Variants in B4GALNT3 observed in about 807,000 individuals in gnomAD.
The protein encoded by B4GALNT3 is beta-1,4-N-acetyl-galactosaminyltransferase 3.
In B4GALNT3, 86 loss-of-function variants were observed where a neutral mutation model predicts 120.2. The ratio of observed to expected loss-of-function variants is 0.72; its 90% CI spans 0.60 to 0.86. The LOEUF (loss-of-function observed/expected upper bound fraction) is 0.86, where lower values mean the gene tolerates loss of function less well. Among genes scored for constraint, B4GALNT3 ranks in the 40% least tolerant of loss-of-function variants. B4GALNT3 has a pLI of 0.00. For synonymous variants in B4GALNT3, 518 were observed against 510.4 expected (o/e 1.01, Z -0.20); for missense variants, 1,167 against 1,298.9 (o/e 0.90, Z 1.56).
At chr12:461,187 G>T (rs960262985) in intron 1 of B4GALNT3, among the ~76,000 whole-genome samples, 1 of 149,522 alleles carries the variant, frequency 6.7e-6, no homozygotes, top group African/African-American at 2.5e-5. Context: ...TCTTTCTCCT[G>T]TTCGGGCCGC....
intron 1 of B4GALNT3, among the ~76,000 whole-genome samples, chr12:493,581 G>T (rs1946363535): frequency 8.7e-6 from 1 of 115,544 alleles, no homozygotes; most frequent in Non-Finnish European, 1.7e-5. Context: ...GTACAGTGTT[G>T]AAATATAATG....
In B4GALNT3 at chr12:511,013, C is replaced by CTTTTTTTTTTTTTT. The variant is rs762032000; in HGVS notation, c.170-24124_170-24111dup. Among the ~76,000 whole-genome samples, 3 of 43,860 alleles carry CTTTTTTTTTTTTTT rather than the reference C, an allele frequency of 6.8e-5. 1 individual carries two copies. The highest frequency in any genetic ancestry group is 1.4e-4 in the Non-Finnish European group (3 of 21,838). The allele number at this position is 43,860 out of a possible 152,430, so 28.8% of individuals were successfully genotyped here. On this transcript the variant is annotated intron_variant, in intron 1 of 19. Transcript: ENST00000266383. The stretch of plus-strand genomic sequence containing the variant: ...TTTGGTCTCTATGGATTTGCCTATT[C>CTTTTTTTTTTTTTT]TTTTTTTTTTTTTTTTTTTTTTTTT...
At chr12:554,681 T>G (rs902375171) in intron 14 of B4GALNT3, among the ~76,000 whole-genome samples, 18 of 145,544 alleles carry the variant, frequency 1.2e-4, no homozygotes, top group Non-Finnish European at 2.4e-4. Flanking sequence ...TCCCAGCTAC[T>G]CGGGAGGCTG....
At chr12:531,779 C>T (rs560112594) in intron 1 of B4GALNT3, among the ~76,000 whole-genome samples, 2 of 152,212 alleles carry the variant, frequency 1.3e-5, no homozygotes, top group African/African-American at 2.4e-5. Context: ...AGGAAGAAAA[C>T]ATTTATTGGG....
At chr12:463,295 T>C (rs1295651665) in intron 1 of B4GALNT3, among the ~76,000 whole-genome samples, 2 of 152,234 alleles carry the variant, frequency 1.3e-5, no homozygotes, top group African/African-American at 4.8e-5. Flanking sequence ...TTCTTTATCT[T>C]CGTGAAATAA....
intron 1 of B4GALNT3, among the ~76,000 whole-genome samples, chr12:522,481 A>G (rs1946719982): frequency 6.6e-6 from 1 of 152,216 alleles, no homozygotes; most frequent in Non-Finnish European, 1.5e-5. Context: ...TAGAGACAGA[A>G]AGTAGAGTGG....
intron 1 of B4GALNT3, among the ~76,000 whole-genome samples, chr12:500,865 C>CCTTTTTTTT (rs2043817132): frequency 3.9e-4 from 24 of 61,814 alleles, no homozygotes; most frequent in African/African-American, 1.8e-3. Flanking sequence ...GGCTCCACTG[C>CCTTTTTTTT]TTTTTTTTTT....
intron 1 of B4GALNT3, among the ~76,000 whole-genome samples, chr12:468,688 T>G (rs1946106629): frequency 1.3e-5 from 2 of 152,242 alleles, no homozygotes; most frequent in Admixed American, 1.3e-4. Context: ...TGCCAGCCTG[T>G]GGCTTTTGGA....
chr12:528,218 T>C (rs947062632), intron 1 of B4GALNT3, among the ~76,000 whole-genome samples: 16 of 152,096 alleles, frequency 1.1e-4, no homozygotes, highest in African/African-American at 3.9e-4. Context: ...AATTTTTAAT[T>C]TTTAAATGTT....
intron 5 of B4GALNT3, 48 bp from the exon 6 acceptor site, chr12:545,321 T>A (rs757056910): frequency 2.1e-5 from 33 of 1,568,760 alleles, no homozygotes; most frequent in Non-Finnish European, 2.5e-5. Flanking sequence ...CCAGCTTTTA[T>A]GCTGATGCCC....
intron 19 of B4GALNT3, among the ~76,000 whole-genome samples, chr12:560,281 CGAA>C (rs900594224): frequency 6.6e-6 from 1 of 152,132 alleles, no homozygotes; most frequent in African/African-American, 2.4e-5. Flanking sequence ...GACCTCGACA[CGAA>C]GACACGCTCA....
chr12:475,501 G>A (rs904530290), intron 1 of B4GALNT3, among the ~76,000 whole-genome samples: 68 of 152,056 alleles, frequency 4.5e-4, no homozygotes, highest in African/African-American at 1.5e-3. Context: ...TTCCTGTCCC[G>A]GCAGAACCGG....
chr12:473,054 G>A (rs991736015), intron 1 of B4GALNT3, among the ~76,000 whole-genome samples: 1 of 150,146 alleles, frequency 6.7e-6, no homozygotes, highest in African/African-American at 2.5e-5. Context: ...CTGCAGCCTC[G>A]ACTTCTTCAG....
At chr12:519,188 T>C (rs1946683697) in intron 1 of B4GALNT3, among the ~76,000 whole-genome samples, 1 of 152,220 alleles carries the variant, frequency 6.6e-6, no homozygotes, top group African/African-American at 2.4e-5. Flanking sequence ...TATTTGCATC[T>C]TACCCTACAA....
chr12:554,047 G>T, intron 14 of B4GALNT3, 64 bp downstream of exon 14: 1 of 1,212,640 alleles, frequency 8.2e-7, no homozygotes, highest in Non-Finnish European at 1.2e-6. Flanking sequence ...GGCCTGGAAG[G>T]CAGGGGCCTA....
chr12:552,816 G>A (rs1358706597), intron 13 of B4GALNT3: 1 of 512,716 alleles, frequency 2.0e-6, no homozygotes, highest in Non-Finnish European at 3.5e-6. Context: ...GCTGTCCCTG[G>A]CGCACCATTT....
chr12:482,372 G>A (rs1041869058), intron 1 of B4GALNT3, among the ~76,000 whole-genome samples: 7 of 152,318 alleles, frequency 4.6e-5, no homozygotes, highest in Non-Finnish European at 7.4e-5. Context: ...GTGCTGGAAG[G>A]GAACCCAGAG....
At chr12:530,727 T>C (rs1479151648) in intron 1 of B4GALNT3, among the ~76,000 whole-genome samples, 1 of 152,166 alleles carries the variant, frequency 6.6e-6, no homozygotes, top group Non-Finnish European at 1.5e-5. Flanking sequence ...AAATAACATA[T>C]GCGAGAGTCT....
intron 1 of B4GALNT3, among the ~76,000 whole-genome samples, chr12:525,196 C>T (rs577861699): frequency 1.3e-5 from 2 of 151,888 alleles, no homozygotes; most frequent in Admixed American, 6.6e-5. Flanking sequence ...GCAATCTCCA[C>T]CTCCTGGGTT....
Sources: allele counts gnomAD v4.1 joint callset (sites outside exome capture counted in the v4.1 genomes callset), GRCh38; gene constraint gnomAD v4.1.1; transcripts MANE v1.5; gene names NCBI Gene and HGNC (gene_info 2026-07-23, HGNC 2026-07-21).